KCNIP4: variants seen among roughly 807,000 people sequenced by gnomAD.
KCNIP4 encodes the protein Kv channel-interacting protein 4.
In KCNIP4, 12 loss-of-function variants were observed where a neutral mutation model predicts 34.0. The observed-to-expected ratio is 0.35, with a 90% confidence interval of 0.23 to 0.57. The LOEUF (loss-of-function observed/expected upper bound fraction) is 0.57. KCNIP4 is among the 20% of genes least tolerant of loss of function. KCNIP4 has a pLI of 0.83. For synonymous variants in KCNIP4, 124 were observed against 102.2 expected (o/e 1.21, Z -1.29); for missense variants, 238 against 311.7 (o/e 0.76, Z 1.78).
At chr4:21,390,459 C>T (rs1271669934) in intron 1 of KCNIP4, among the ~76,000 whole-genome samples, 3 of 152,044 alleles carry the variant, frequency 2.0e-5, no homozygotes, top group Non-Finnish European at 4.4e-5. Flanking sequence ...GTCTTTAGTC[C>T]ATCTTGAATT....
At chr4:21,021,111 G>A (rs550724644) in intron 1 of KCNIP4, among the ~76,000 whole-genome samples, 2 of 152,252 alleles carry the variant, frequency 1.3e-5, no homozygotes, top group South Asian at 4.1e-4. Context: ...CTGCAAACCT[G>A]TACAGCATGT....
At chr4:20,761,716 A>T (rs888974811) in intron 3 of KCNIP4, among the ~76,000 whole-genome samples, 4 of 152,194 alleles carry the variant, frequency 2.6e-5, no homozygotes, top group African/African-American at 9.7e-5. Flanking sequence ...TATATTTGAT[A>T]GATATAATGT....
At chr4:21,334,554 G>A (rs1715979357) in intron 1 of KCNIP4, among the ~76,000 whole-genome samples, 1 of 151,944 alleles carries the variant, frequency 6.6e-6, no homozygotes, top group South Asian at 2.1e-4. Flanking sequence ...ACCCACTTAA[G>A]TGTACAACTG....
At chr4:21,234,399 T>C (rs1303421709) in intron 1 of KCNIP4, among the ~76,000 whole-genome samples, 2 of 130,844 alleles carry the variant, frequency 1.5e-5, no homozygotes, top group South Asian at 2.2e-4. Flanking sequence ...ACATATATAA[T>C]ATATTATATA....
intron 1 of KCNIP4, among the ~76,000 whole-genome samples, chr4:21,291,919 GAAAGAAAGAAAGAAAGAAAA>G (rs1763534069): frequency 3.2e-5 from 2 of 61,798 alleles, no homozygotes; most frequent in African/African-American, 1.1e-4. Flanking sequence ...AAGAAAGAAA[GAAAGAAAGAAAGAAAGAAAA>G]AAAAAGAAAA....
chr4:21,322,252 C>T (rs1408751840), intron 1 of KCNIP4, among the ~76,000 whole-genome samples: 2 of 152,092 alleles, frequency 1.3e-5, no homozygotes, highest in Non-Finnish European at 2.9e-5. Context: ...AGATTTCTGG[C>T]AGTTCTAAGG....
At chr4:21,190,399 T>C (rs1178242567) in intron 1 of KCNIP4, among the ~76,000 whole-genome samples, 1 of 152,178 alleles carries the variant, frequency 6.6e-6, no homozygotes, top group Admixed American at 6.5e-5. Context: ...GTTAATATGA[T>C]TTCAAGTATG....
chr4:20,761,353 T>C (rs1754941874), intron 3 of KCNIP4, among the ~76,000 whole-genome samples: 1 of 152,200 alleles, frequency 6.6e-6, no homozygotes, highest in African/African-American at 2.4e-5. Context: ...CATAAATGAA[T>C]TAACAACCAA....
At chr4:20,840,148 A>C (rs1027574628) in intron 3 of KCNIP4, among the ~76,000 whole-genome samples, 1 of 152,090 alleles carries the variant, frequency 6.6e-6, no homozygotes, top group Non-Finnish European at 1.5e-5. Flanking sequence ...TATCACAATG[A>C]CTCATTGCTG....
At chr4:21,576,225 C>A (rs1260365528) in intron 1 of KCNIP4, among the ~76,000 whole-genome samples, 2 of 152,064 alleles carry the variant, frequency 1.3e-5, no homozygotes, top group Non-Finnish European at 2.9e-5. Context: ...AACTTAAAAA[C>A]CCTGACATTG....
chr4:21,556,940 AAAAC>A (rs1739113321), intron 1 of KCNIP4, among the ~76,000 whole-genome samples: 1 of 149,932 alleles, frequency 6.7e-6, no homozygotes, highest in Non-Finnish European at 1.5e-5. Context: ...AAAAAAAAAA[AAAAC>A]CAGAAAACAA....
chr4:21,362,216 G>A (rs757858834), intron 1 of KCNIP4, among the ~76,000 whole-genome samples: 18 of 152,116 alleles, frequency 1.2e-4, no homozygotes, highest in Non-Finnish European at 1.9e-4. Context: ...TCATAATGAA[G>A]CTATATCACT....
At chr4:21,481,796 C>A (rs1244197775) in intron 1 of KCNIP4, among the ~76,000 whole-genome samples, 3 of 152,022 alleles carry the variant, frequency 2.0e-5, no homozygotes, top group Admixed American at 2.0e-4. Flanking sequence ...TGCTTATGCA[C>A]ACATCTCAGA....
At chr4:21,696,097 T>C (rs1712280656) in intron 1 of KCNIP4, among the ~76,000 whole-genome samples, 1 of 152,108 alleles carries the variant, frequency 6.6e-6, no homozygotes, top group African/African-American at 2.4e-5. Flanking sequence ...TACCTAAAGA[T>C]TAAAATGCGG....
At chr4:21,319,860 T>C (rs1177930221) in intron 1 of KCNIP4, among the ~76,000 whole-genome samples, 4 of 152,140 alleles carry the variant, frequency 2.6e-5, no homozygotes, top group African/African-American at 4.8e-5. Flanking sequence ...ACTTGATGAG[T>C]TCATGATTAG....
intron 1 of KCNIP4, among the ~76,000 whole-genome samples, chr4:21,692,813 T>C (rs1015279795): frequency 1.2e-4 from 18 of 145,006 alleles, no homozygotes; most frequent in Admixed American, 2.8e-4. Context: ...AACTGGGAAA[T>C]AGAAAATCCT....
chr4:21,105,848 G>A (rs898188579), intron 1 of KCNIP4, among the ~76,000 whole-genome samples: 25 of 151,592 alleles, frequency 1.6e-4, no homozygotes, highest in African/African-American at 2.4e-5. Context: ...CATCTATTGA[G>A]ATAATCATGT....
chr4:20,845,568 C>A lies in KCNIP4; in HGVS notation c.288+4975G>T, dbSNP rs192523787. On this transcript the variant is annotated intron_variant, in intron 3 of 8. Coordinates refer to ENST00000382152, the MANE Select transcript of KCNIP4 (RefSeq NM_025221.6). ...TGAATAGACAGTCTTGTTGCTCACACTTAGCCTGTTCAGGTTGTCTCTTCA... is the reference window on the plus strand; with the variant it reads ...TGAATAGACAGTCTTGTTGCTCACAATTAGCCTGTTCAGGTTGTCTCTTCA... 2.3e-3 allele frequency among the ~76,000 whole-genome samples: 348 copies of A among 152,286 alleles called. 2 individuals carry two copies. Among genetic ancestry groups the A allele is most frequent in the Non-Finnish European group, 3.5e-3 (239 of 68,024 alleles).
At position 20,739,045 on chromosome 4, in the gene KCNIP4, C is replaced by G. The variant is rs373459400; in HGVS notation, c.430-4310G>C. Among the ~76,000 whole-genome samples the G allele has an allele frequency of 2.6e-5, 4 of 152,154 alleles. No individual in the cohort carries two copies. In the East Asian group the frequency reaches 7.7e-4, roughly 29 times the overall value. On this transcript the variant is annotated intron_variant, in intron 5 of 8. Transcript: ENST00000382152. ...GGCAACAGTGAGGCTGAGGGAGGGG[C>G]GTCCACCATTGCTGAGACTTGACTA... is the stretch of plus-strand genomic sequence containing the variant.
Sources: allele counts gnomAD v4.1 joint callset (sites outside exome capture counted in the v4.1 genomes callset), GRCh38; gene constraint gnomAD v4.1.1; transcripts MANE v1.5; gene names NCBI Gene and HGNC (gene_info 2026-07-23, HGNC 2026-07-21).